PADI2: variants seen among roughly 807,000 people sequenced by gnomAD.
PADI2 encodes protein-arginine deiminase type-2.
PADI2 carries 70 observed loss-of-function variants against 81.1 expected under a neutral mutation model. The observed-to-expected ratio is 0.86, with a 90% CI of 0.71 to 1.05. The LOEUF (loss-of-function observed/expected upper bound fraction) is 1.05. Ranked by LOEUF, PADI2 falls within the 50% of genes least tolerant of loss-of-function variation. PADI2 has a pLI of 0.00. For synonymous variants in PADI2, 338 were observed against 358.0 expected (o/e 0.94, Z 0.63); for missense variants, 853 against 889.9 (o/e 0.96, Z 0.53).
intron 10 of PADI2, among the ~76,000 whole-genome samples, chr1:17,081,894 T>C (rs2078347467): frequency 1.3e-5 from 2 of 152,218 alleles, no homozygotes; most frequent in South Asian, 2.1e-4. Flanking sequence ...AAGTGGATCA[T>C]CTGGGGTCAG....
Position 17,095,951 on chromosome 1 carries a change from G to A in PADI2, c.369C>T (p.Asp123=), listed in dbSNP as rs367819228. 155 of 1,607,508 alleles carry A rather than the reference G, an allele frequency of 9.6e-5. No individual in the cohort carries two copies. Among genetic ancestry groups the A allele is most frequent in the Middle Eastern group, 1.7e-4 (1 of 6,054 alleles). ...TCTCCACCACACCATCCCGGTCTGC[G>A]TCCACATCCAGGGAGATCTCTGGGG... ...LTAIEISLDV[D]ADRDGVVEKN... The change falls in exon 4 of 16, where the codon GAC becomes GAT. Residue 123 remains aspartate, a synonymous_variant. Transcript: ENST00000375486.
At chr1:17,071,569 AG>A in intron 13 of PADI2, 78 bp from the exon 14 acceptor site, 1 of 1,166,844 alleles carries the variant, frequency 8.6e-7, no homozygotes, top group Non-Finnish European at 1.3e-6. Context: ...AAGATCCTCC[AG>A]GCCTGGGCTA....
intron 11 of PADI2, 175 bp downstream of exon 11, chr1:17,079,089 T>C (rs766435357): frequency 1.8e-6 from 1 of 556,616 alleles, no homozygotes; most frequent in Non-Finnish European, 3.2e-6. Context: ...CACACAAAGA[T>C]ATAAAGGCTA....
chr1:17,091,730 C>A (rs527638943), intron 6 of PADI2, among the ~76,000 whole-genome samples: 1 of 152,248 alleles, frequency 6.6e-6, no homozygotes, highest in East Asian at 1.9e-4. Flanking sequence ...CTCTGCCCTG[C>A]CATTCTCCTC....
intron 11 of PADI2, 95 bp from the exon 12 acceptor site, chr1:17,075,918 G>C: frequency 8.2e-7 from 1 of 1,213,078 alleles, no homozygotes; most frequent in Non-Finnish European, 1.2e-6. Context: ...CTCGGACCCA[G>C]AGTGACATCA....
chr1:17,084,090 T>C (rs2101584821), intron 8 of PADI2, among the ~76,000 whole-genome samples: 1 of 152,324 alleles, frequency 6.6e-6, no homozygotes. Context: ...CCTGTCCCAA[T>C]GCCTTACACC....
chr1:17,087,407 C>G (rs770012035), intron 6 of PADI2, among the ~76,000 whole-genome samples: 1 of 152,240 alleles, frequency 6.6e-6, no homozygotes, highest in South Asian at 2.1e-4. Flanking sequence ...AGCCCAGTTT[C>G]CCCAGAGACA....
chr1:17,069,899 G>T (rs2101568178), intron 15 of PADI2, among the ~76,000 whole-genome samples, 189 bp downstream of exon 15: 1 of 152,312 alleles, frequency 6.6e-6, no homozygotes, highest in East Asian at 1.9e-4. Flanking sequence ...AAGCAGCTAG[G>T]ATGAGCATAT....
At chr1:17,091,217 G>T (rs1015042149) in intron 6 of PADI2, among the ~76,000 whole-genome samples, 3 of 147,476 alleles carry the variant, frequency 2.0e-5, no homozygotes, top group African/African-American at 7.6e-5. Flanking sequence ...CTCACCTCAT[G>T]GTGAATGCCC....
intron 13 of PADI2, among the ~76,000 whole-genome samples, chr1:17,074,392 C>CAAAA (rs71006417): frequency 1.1e-3 from 157 of 142,386 alleles, no homozygotes; most frequent in East Asian, 1.7e-3. Context: ...AACTCTGTCT[C>CAAAA]AAAAAAAAAA....
At chr1:17,105,207 A>G in intron 1 of PADI2, 146 bp from the exon 2 acceptor site, 1 of 517,770 alleles carries the variant, frequency 1.9e-6, no homozygotes, top group Non-Finnish European at 3.4e-6. Flanking sequence ...AGCCTGGACA[A>G]CAGTGAGACC....
intron 14 of PADI2, 54 bp from the exon 15 acceptor site, chr1:17,070,270 ACCTTGT>A: frequency 6.2e-7 from 1 of 1,600,236 alleles, no homozygotes; most frequent in Non-Finnish European, 8.5e-7. Flanking sequence ...CACACCGGCC[ACCTTGT>A]CAACCCCATC....
At chr1:17,096,865 C>G (rs1930952800) in intron 3 of PADI2, among the ~76,000 whole-genome samples, 1 of 152,222 alleles carries the variant, frequency 6.6e-6, no homozygotes, top group African/African-American at 2.4e-5. Flanking sequence ...ATGGAAGGCA[C>G]TACTGACATT....
intron 1 of PADI2, among the ~76,000 whole-genome samples, chr1:17,117,702 C>A (rs550956603): frequency 2.6e-4 from 40 of 152,228 alleles, no homozygotes; most frequent in Non-Finnish European, 4.0e-4. Context: ...TGCTCCCCAC[C>A]CCCGACTGGG....
In PADI2 at chr1:17,082,656, C is replaced by T. The variant is rs765842258; in HGVS notation, c.1051-4G>A. 1.9e-6 allele frequency: 3 copies of T among 1,575,530 alleles called. No homozygotes were observed. The highest frequency in any genetic ancestry group is 1.8e-5 in the Admixed American group (1 of 56,174). On this transcript the variant is annotated splice_region_variant and splice_polypyrimidine_tract_variant and intron_variant, in intron 9 of 15. Transcript: ENST00000375486. Reference sequence around the variant, plus strand: ...TGTAGCCAAACTCAATTTCATCCTGCAGGGACACCAAGGAGAACTGTTAGA... The same window carrying T: ...TGTAGCCAAACTCAATTTCATCCTGTAGGGACACCAAGGAGAACTGTTAGA...
chr1:17,069,295 G>T lies in PADI2; in HGVS notation c.1765-18C>A. 1 of 1,590,484 alleles carries T rather than the reference G, an allele frequency of 6.3e-7. No individual in the cohort carries two copies. The highest frequency in any genetic ancestry group is 1.1e-5 in the South Asian group (1 of 90,588). On this transcript the variant is annotated intron_variant, in intron 15 of 15. Transcript: ENST00000375486. The stretch of plus-strand genomic sequence containing the variant: ...ATGTTCACCTGTGACGGGGGATTGC[G>T]ATGGCAACAGCTTCCATTTAGTGAG...
At position 17,082,608 on chromosome 1, in the gene PADI2, G is replaced by C; in HGVS notation, c.1095C>G (p.Phe365Leu). The change falls in exon 10 of 16, where the codon TTC becomes TTG. Residue 365 changes from phenylalanine (F) to leucine (L), a missense_variant. Coordinates refer to ENST00000375486, the MANE Select transcript of PADI2 (RefSeq NM_007365.3). The part of the protein sequence containing the change: ...FGYIEAPHKG[F>L]PVVLDSPRDG... Reference sequence around the variant, plus strand: ...CTCGGGGAGAGTCCAGCACCACGGGGAAGCCTTTATGGGGGGCCTCGATGT... The same window carrying C: ...CTCGGGGAGAGTCCAGCACCACGGGCAAGCCTTTATGGGGGGCCTCGATGT... 2 of 1,612,106 alleles carry C rather than the reference G, an allele frequency of 1.2e-6. No individual in the cohort carries two copies. The highest frequency in any genetic ancestry group is 2.2e-5 in the South Asian group (2 of 90,934).
At chr1:17,114,801 T>C (rs910385369) in intron 1 of PADI2, among the ~76,000 whole-genome samples, 2 of 151,986 alleles carry the variant, frequency 1.3e-5, no homozygotes, top group African/African-American at 4.8e-5. Flanking sequence ...GGGGATGGTG[T>C]TCCAGGCAGA....
At chr1:17,117,079 G>T (rs566158955) in intron 1 of PADI2, among the ~76,000 whole-genome samples, 2 of 152,242 alleles carry the variant, frequency 1.3e-5, no homozygotes, top group Admixed American at 6.5e-5. Context: ...TAAACATCCC[G>T]CTACAACAAA....
Sources: gnomAD v4.1 joint callset for allele counts (sites outside exome capture counted in the v4.1 genomes callset) on GRCh38, gnomAD v4.1.1 for gene constraint, MANE v1.5 for transcripts, NCBI Gene and HGNC (gene_info 2026-07-23, HGNC 2026-07-21) for gene names.